CDH2: variants seen among roughly 807,000 people sequenced by gnomAD.
The protein encoded by CDH2 is cadherin-2.
Under a neutral mutation model 92.0 loss-of-function variants are expected in CDH2, and 17 were observed. The ratio of observed to expected loss-of-function variants is 0.18; its 90% CI spans 0.13 to 0.28. CDH2 has a LOEUF of 0.28. Ranked by LOEUF, CDH2 falls within the 10% of genes least tolerant of loss-of-function variation. The probability of loss-of-function intolerance (pLI) is 1.00; values close to 1 mark genes in which losing one functional copy is unlikely to be tolerated. For missense variants in CDH2, 862 were observed against 1,133.1 expected, an observed-to-expected ratio of 0.76 and a Z score of 3.44; for synonymous variants, 419 against 415.9, an observed-to-expected ratio of 1.01 and a Z score of -0.09.
intron 2 of CDH2, among the ~76,000 whole-genome samples, chr18:28,066,070 T>A (rs17463213): frequency 0.17 from 25,174 of 152,066 alleles, 2,373 homozygotes; most frequent in East Asian, 0.3. Flanking sequence ...GCTGGCCACA[T>A]TCTACGACTT....
intron 2 of CDH2, 140 bp downstream of exon 2, chr18:28,147,533 A>T (rs1463428695): frequency 2.1e-6 from 1 of 473,518 alleles, no homozygotes; most frequent in Non-Finnish European, 3.7e-6. Flanking sequence ...ATCCTAAAAT[A>T]AAGTCCCTAC....
Position 28,109,380 on chromosome 18 carries a change from C to T in CDH2, c.172+38293G>A, listed in dbSNP as rs146986138. Among the ~76,000 whole-genome samples, 605 of 152,250 alleles carry T rather than the reference C, an allele frequency of 4.0e-3. 7 individuals are homozygous for T. The highest frequency in any genetic ancestry group is 0.014 in the African/African-American group (586 of 41,552). On this transcript the variant is annotated intron_variant, in intron 2 of 15. Coordinates refer to ENST00000269141, the MANE Select transcript of CDH2 (RefSeq NM_001792.5). Reference sequence around the variant, plus strand: ...CCAATTTTAAGTGGAGGAATTCCTACATCCCTACACTGTTGGAAGTAAACA... The same window carrying T: ...CCAATTTTAAGTGGAGGAATTCCTATATCCCTACACTGTTGGAAGTAAACA...
chr18:28,168,832 AAGT>A (rs1315390521), intron 1 of CDH2, among the ~76,000 whole-genome samples: 1 of 152,124 alleles, frequency 6.6e-6, no homozygotes, highest in Non-Finnish European at 1.5e-5. Flanking sequence ...AAAATCAACT[AAGT>A]AGAGAGAAAC....
intron 2 of CDH2, among the ~76,000 whole-genome samples, chr18:28,107,459 A>T (rs1022475278): frequency 3.3e-5 from 5 of 152,170 alleles, no homozygotes; most frequent in African/African-American, 1.2e-4. Context: ...GAGGACACTT[A>T]AAATGATGCA....
At chr18:27,973,841 C>T (rs901455104) in intron 14 of CDH2, among the ~76,000 whole-genome samples, 2 of 152,150 alleles carry the variant, frequency 1.3e-5, no homozygotes, top group African/African-American at 2.4e-5. Flanking sequence ...GTAGTGATTG[C>T]ATGGATTTAA....
At chr18:28,068,641 T>C (rs1409075582) in intron 2 of CDH2, among the ~76,000 whole-genome samples, 2 of 152,206 alleles carry the variant, frequency 1.3e-5, no homozygotes, top group South Asian at 2.1e-4. Context: ...TTCGAGACTA[T>C]TGACACTTGA....
intron 2 of CDH2, among the ~76,000 whole-genome samples, chr18:28,047,822 T>C (rs2144120099): frequency 7.8e-6 from 1 of 127,946 alleles, no homozygotes; most frequent in Middle Eastern, 6.2e-3. Flanking sequence ...TGAGCCGAGA[T>C]CGGGCCACTG....
chr18:28,129,340 A>G (rs2015729108), intron 2 of CDH2, among the ~76,000 whole-genome samples: 1 of 152,246 alleles, frequency 6.6e-6, no homozygotes, highest in Non-Finnish European at 1.5e-5. Context: ...AAACCTATCT[A>G]TAATATAAGC....
chr18:28,113,090 T>C (rs2015438669), intron 2 of CDH2, among the ~76,000 whole-genome samples: 1 of 152,144 alleles, frequency 6.6e-6, no homozygotes, highest in Non-Finnish European at 1.5e-5. Context: ...AATAAAACAC[T>C]GAATGTGGAT....
chr18:28,068,680 C>G (rs1258873797), intron 2 of CDH2, among the ~76,000 whole-genome samples: 4 of 152,156 alleles, frequency 2.6e-5, no homozygotes, highest in African/African-American at 9.7e-5. Context: ...ATAACATTAG[C>G]AACCATCACG....
chr18:28,004,805 C>T (rs1011032904), intron 6 of CDH2, among the ~76,000 whole-genome samples: 1 of 152,074 alleles, frequency 6.6e-6, no homozygotes, highest in Non-Finnish European at 1.5e-5. Context: ...GGCTGAACTT[C>T]CTGCACAGCC....
chr18:28,026,345 T>C (rs1474536386), intron 2 of CDH2, among the ~76,000 whole-genome samples: 1 of 152,180 alleles, frequency 6.6e-6, no homozygotes, highest in Non-Finnish European at 1.5e-5. Flanking sequence ...TTCTAGTCTA[T>C]CAATAATGTA....
intron 15 of CDH2, among the ~76,000 whole-genome samples, chr18:27,953,244 AAAG>A (rs1909551245): frequency 6.6e-6 from 1 of 152,178 alleles, no homozygotes; most frequent in African/African-American, 2.4e-5. Flanking sequence ...TTTTAAGAAA[AAAG>A]AAACAAGGAA....
intron 2 of CDH2, among the ~76,000 whole-genome samples, chr18:28,094,553 A>G (rs1237365): frequency 7.9e-5 from 12 of 151,488 alleles, no homozygotes; most frequent in South Asian, 4.2e-4. Flanking sequence ...CCAGCACTTT[A>G]GGAGGCTGAG....
intron 2 of CDH2, among the ~76,000 whole-genome samples, chr18:28,053,339 T>C (rs2014229475): frequency 6.6e-6 from 1 of 152,204 alleles, no homozygotes; most frequent in African/African-American, 2.4e-5. Flanking sequence ...TTTAAAGATA[T>C]CTTTTAAAGA....
chr18:28,105,623 G>T (rs1238957352), intron 2 of CDH2, among the ~76,000 whole-genome samples: 1 of 151,960 alleles, frequency 6.6e-6, no homozygotes, highest in Non-Finnish European at 1.5e-5. Context: ...AGTTCAAACT[G>T]ACAACAAATT....
chr18:28,155,476 G>A (rs17446903), intron 1 of CDH2, among the ~76,000 whole-genome samples: 135 of 152,216 alleles, frequency 8.9e-4, no homozygotes, highest in Non-Finnish European at 1.4e-3. Flanking sequence ...AAGGAATACC[G>A]TAAAGAAATC....
chr18:27,993,078 C>G (rs1185410280), intron 8 of CDH2, among the ~76,000 whole-genome samples: 2 of 152,138 alleles, frequency 1.3e-5, no homozygotes, highest in African/African-American at 4.8e-5. Context: ...ATATTAAAAT[C>G]AGCATCCATT....
intron 2 of CDH2, among the ~76,000 whole-genome samples, chr18:28,070,918 A>C (rs1401756781): frequency 6.6e-6 from 1 of 151,674 alleles, no homozygotes; most frequent in South Asian, 2.1e-4. Context: ...TCTGTTTTTC[A>C]ATTTTTTTTC....
Sources: gnomAD v4.1 joint callset for allele counts (sites outside exome capture counted in the v4.1 genomes callset) on GRCh38, gnomAD v4.1.1 for gene constraint, MANE v1.5 for transcripts, NCBI Gene and HGNC (gene_info 2026-07-23, HGNC 2026-07-21) for gene names.